The following PAQR5 variants were observed in gnomAD, a reference collection of about 807,000 sequenced individuals.
The protein encoded by PAQR5 is membrane progestin receptor gamma.
PAQR5 carries 20 observed loss-of-function variants against 34.5 expected under a neutral mutation model. That is an observed-to-expected ratio of 0.58 (90% confidence interval 0.41 to 0.84). The LOEUF (loss-of-function observed/expected upper bound fraction) is 0.84, where lower values mean the gene tolerates loss of function less well. PAQR5 is among the 40% of genes least tolerant of loss of function. PAQR5 has a pLI of 0.00. For missense variants in PAQR5, 378 were observed against 412.7 expected (o/e 0.92, Z 0.73); for synonymous variants, 131 against 155.6 (o/e 0.84, Z 1.18).
At chr15:69,398,238 C>A (rs145258920) in intron 7 of PAQR5, among the ~76,000 whole-genome samples, 29 of 152,068 alleles carry the variant, frequency 1.9e-4, no homozygotes, top group Admixed American at 4.6e-4. Flanking sequence ...CTTAAAGGAG[C>A]GATGGGAAAG....
rs541960836 is a variant in PAQR5, at chr15:69,308,411, G to A, written c.-277+9355G>A. Among the ~76,000 whole-genome samples, 600 of 152,282 alleles carry A rather than the reference G, an allele frequency of 3.9e-3. 4 individuals carry two copies. Among genetic ancestry groups the A allele is most frequent in the Non-Finnish European group, 6.1e-3 (413 of 68,016 alleles). On this transcript the variant is annotated intron_variant, in intron 1 of 8. Coordinates refer to ENST00000395407, the MANE Select transcript of PAQR5 (RefSeq NM_017705.4). ...GAAATGTATCATGGGGACATGACAG[G>A]CTAGAGCAGGATTTCTCACCTTGGC...
chr15:69,354,834 C>T (rs1043659789), intron 2 of PAQR5, among the ~76,000 whole-genome samples: 1 of 152,138 alleles, frequency 6.6e-6, no homozygotes, highest in African/African-American at 2.4e-5. Context: ...TCAACAAGGG[C>T]CCAGAGAGAA....
rs1566998004 is a variant in PAQR5, at chr15:69,322,772, G to GAAGAA, written c.-276-14569_-276-14568insAAGAA. 3.9e-4 allele frequency among the ~76,000 whole-genome samples: 5 copies of GAAGAA among 12,960 alleles called. 1 individual carries two copies. The highest frequency in any genetic ancestry group is 5.2e-4 in the African/African-American group (3 of 5,736). The allele number at this position is 12,960 out of a possible 152,430, so 8.5% of individuals were successfully genotyped here. On this transcript the variant is annotated intron_variant, in intron 1 of 8. Transcript: ENST00000395407. ...AAGAAGAAGAAGAAGAAGAAGAAGA[G>GAAGAA]GGAGAAGAAGAAGACGAGGAAGAAG...
chr15:69,327,576 A>G (rs2054284111), intron 1 of PAQR5, among the ~76,000 whole-genome samples: 1 of 152,148 alleles, frequency 6.6e-6, no homozygotes, highest in Non-Finnish European at 1.5e-5. Flanking sequence ...ATTCACCTGC[A>G]GGCATATTAA....
chr15:69,351,765 A>G (rs932959061), intron 2 of PAQR5, among the ~76,000 whole-genome samples: 2 of 152,196 alleles, frequency 1.3e-5, no homozygotes, highest in Non-Finnish European at 2.9e-5. Flanking sequence ...GACAAAATTC[A>G]GGGGCCTTCT....
At chr15:69,301,584 T>A (rs1404645214) in intron 1 of PAQR5, among the ~76,000 whole-genome samples, 2 of 152,216 alleles carry the variant, frequency 1.3e-5, no homozygotes, top group Admixed American at 1.3e-4. Context: ...GGGCCTCAAT[T>A]TCCTCATCTG....
At position 69,300,649 on chromosome 15, in the gene PAQR5, CTTTTCTTTCTTTCTTTCATTCTT is replaced by C. The variant is rs1190912192; in HGVS notation, c.-277+1595_-277+1617del. ...TCTTTCTTTCTTTCTTTCTTTCTTT[CTTTTCTTTCTTTCTTTCATTCTT>C]TCTCTTCCTTCCTCCCTCCCTCTCT... On this transcript the variant is annotated intron_variant, in intron 1 of 8. Transcript: ENST00000395407. 6.7e-3 allele frequency among the ~76,000 whole-genome samples: 116 copies of C among 17,296 alleles called. 13 individuals are homozygous for C. The highest frequency in any genetic ancestry group is 0.046 in the East Asian group (24 of 524). 11.3% of individuals were successfully genotyped at this position (17,296 alleles called of 152,430 possible).
chr15:69,397,956 G>A (rs1202115150), intron 7 of PAQR5, among the ~76,000 whole-genome samples: 2 of 152,180 alleles, frequency 1.3e-5, no homozygotes, highest in Admixed American at 6.5e-5. Context: ...GCTCGGGAAC[G>A]TCATAGAACA....
At position 69,403,946 on chromosome 15, in the gene PAQR5, A is replaced by G; in HGVS notation, c.*124A>G. ...ATTCATAATGGTTGGTGTCTTTTGA[A>G]TGAATTCATGTCAAAAATGTTATTC... On this transcript the variant is annotated 3_prime_UTR_variant, in exon 9 of 9. Coordinates refer to ENST00000395407, the MANE Select transcript of PAQR5 (RefSeq NM_017705.4). 2.0e-6 allele frequency: 2 copies of G among 1,000,968 alleles called. No individual in the cohort carries two copies. Among genetic ancestry groups the G allele is most frequent in the Admixed American group, 2.4e-5 (1 of 41,982 alleles). The allele number at this position is 1,000,968 out of a possible 1,614,324, so 62.0% of individuals were successfully genotyped here.
At chr15:69,306,308 T>C (rs2053713871) in intron 1 of PAQR5, among the ~76,000 whole-genome samples, 1 of 151,692 alleles carries the variant, frequency 6.6e-6, no homozygotes. Context: ...TGTTACCTTT[T>C]GTTATTGCAG....
At chr15:69,373,432 A>G (rs992694851) in intron 3 of PAQR5, among the ~76,000 whole-genome samples, 10 of 152,168 alleles carry the variant, frequency 6.6e-5, no homozygotes, top group African/African-American at 2.4e-4. Context: ...TAAAACTGAA[A>G]ATAGTTTTTC....
At chr15:69,315,064 G>A (rs774380966) in intron 1 of PAQR5, among the ~76,000 whole-genome samples, 4 of 152,120 alleles carry the variant, frequency 2.6e-5, no homozygotes, top group Non-Finnish European at 4.4e-5. Flanking sequence ...CTGGGATGAG[G>A]AGACTGAAGG....
chr15:69,380,470 A>C (rs944175869), intron 4 of PAQR5: 1 of 157,352 alleles, frequency 6.4e-6, no homozygotes, highest in African/African-American at 2.4e-5. Context: ...ACATTGGTAG[A>C]GGCATCTGCC....
chr15:69,346,191 G>C (rs983733900), intron 2 of PAQR5, among the ~76,000 whole-genome samples: 27 of 151,186 alleles, frequency 1.8e-4, no homozygotes, highest in Non-Finnish European at 4.4e-5. Flanking sequence ...AAGCTAAAAA[G>C]ACCAGTGAGT....
At chr15:69,322,734 GAAGA>G (rs2054133780) in intron 1 of PAQR5, among the ~76,000 whole-genome samples, 1 of 32,406 alleles carries the variant, frequency 3.1e-5, no homozygotes, top group African/African-American at 8.9e-5. Flanking sequence ...AGAAGAAGAA[GAAGA>G]AGAAGAAGAA....
At chr15:69,312,004 G>A (rs544948691) in intron 1 of PAQR5, among the ~76,000 whole-genome samples, 16 of 152,238 alleles carry the variant, frequency 1.1e-4, no homozygotes, top group South Asian at 8.3e-4. Context: ...CAAGCTCTCC[G>A]GGAAGAATTC....
intron 3 of PAQR5, among the ~76,000 whole-genome samples, chr15:69,378,541 C>A (rs1156663167): frequency 2.6e-5 from 4 of 151,348 alleles, no homozygotes; most frequent in Non-Finnish European, 2.9e-5. Context: ...GAAATTGATA[C>A]CCCAAATGAG....
At chr15:69,355,731 CTTTA>C (rs1238989494) in intron 2 of PAQR5, among the ~76,000 whole-genome samples, 1 of 151,944 alleles carries the variant, frequency 6.6e-6, no homozygotes, top group Non-Finnish European at 1.5e-5. Flanking sequence ...TGTCCTATTT[CTTTA>C]TTTATTTTTT....
chr15:69,401,650 G>A (rs554799871), intron 8 of PAQR5, among the ~76,000 whole-genome samples: 1 of 152,314 alleles, frequency 6.6e-6, no homozygotes, highest in Admixed American at 6.5e-5. Context: ...GGGCCTAGGG[G>A]TACAGAGCTG....
Sources: gnomAD v4.1 joint callset for allele counts (sites outside exome capture counted in the v4.1 genomes callset) on GRCh38, gnomAD v4.1.1 for gene constraint, MANE v1.5 for transcripts, NCBI Gene and HGNC (gene_info 2026-07-23, HGNC 2026-07-21) for gene names.